Variants in ZRANB3 observed in about 807,000 individuals in gnomAD.
The protein encoded by ZRANB3 is zinc finger RANBP2-type containing 3, also known as DNA annealing helicase and endonuclease ZRANB3.
ZRANB3 carries 125 observed loss-of-function variants against 133.8 expected under a neutral mutation model. That is an observed-to-expected ratio of 0.93 (90% CI 0.81 to 1.08). The LOEUF (loss-of-function observed/expected upper bound fraction) is 1.08. Ranked by LOEUF, ZRANB3 falls within the 50% of genes least tolerant of loss-of-function variation. The pLI, the probability that ZRANB3 is intolerant of heterozygous loss-of-function variation, is 0.00. For synonymous variants in ZRANB3, 387 were observed against 432.7 expected (o/e 0.89, Z 1.31); for missense variants, 1,229 against 1,275.5 (o/e 0.96, Z 0.56).
chr2:135,315,257 A>G, intron 7 of ZRANB3, 102 bp downstream of exon 7: 1 of 1,175,342 alleles, frequency 8.5e-7, no homozygotes, highest in South Asian at 3.6e-5. Context: ...TATTTTAAGA[A>G]AGCAAACCTT....
chr2:135,344,683 G>A (rs1027345363), intron 6 of ZRANB3, among the ~76,000 whole-genome samples: 19 of 152,182 alleles, frequency 1.2e-4, no homozygotes, highest in African/African-American at 4.1e-4. Flanking sequence ...GTTGCAGTGA[G>A]CCGAGATTGT....
At chr2:135,487,607 C>G (rs1354240927) in intron 2 of ZRANB3, among the ~76,000 whole-genome samples, 1 of 152,236 alleles carries the variant, frequency 6.6e-6, no homozygotes, top group Non-Finnish European at 1.5e-5. Context: ...CCTGCTGCTT[C>G]ACCTTGCACA....
intron 3 of ZRANB3, 104 bp downstream of exon 3, chr2:135,390,698 T>A (rs539311827): frequency 4.6e-6 from 6 of 1,299,284 alleles, no homozygotes; most frequent in Non-Finnish European, 6.3e-6. Flanking sequence ...CATCCCCATA[T>A]ACAGACATAT....
chr2:135,379,813 T>A (rs1350376003), intron 3 of ZRANB3, among the ~76,000 whole-genome samples: 1 of 152,084 alleles, frequency 6.6e-6, no homozygotes, highest in East Asian at 1.9e-4. Flanking sequence ...CATAACAATA[T>A]TAACCTTAAA....
intron 2 of ZRANB3, among the ~76,000 whole-genome samples, chr2:135,468,672 T>G (rs2105024653): frequency 6.6e-6 from 1 of 152,310 alleles, no homozygotes; most frequent in South Asian, 2.1e-4. Context: ...AGAACACTGG[T>G]TTAAGAAACA....
At chr2:135,530,804 G>C (rs1042388447) in intron 1 of ZRANB3, 2 of 152,114 alleles carry the variant, frequency 1.3e-5, no homozygotes, top group African/African-American at 4.8e-5. Flanking sequence ...CCTTTTCATT[G>C]GCTGAAGCGG....
chr2:135,203,543 C>T (rs1222477374), intron 19 of ZRANB3, among the ~76,000 whole-genome samples: 2 of 142,088 alleles, frequency 1.4e-5, no homozygotes, highest in African/African-American at 2.7e-5. Context: ...GGCGTGAACC[C>T]GGGAGGTGGA....
chr2:135,304,873 T>C (rs1682602969), intron 8 of ZRANB3, among the ~76,000 whole-genome samples: 1 of 152,164 alleles, frequency 6.6e-6, no homozygotes, highest in Non-Finnish European at 1.5e-5. Flanking sequence ...GTAGTGACAG[T>C]CTTTTTATTC....
chr2:135,507,153 C>T (rs2104825743), intron 1 of ZRANB3, among the ~76,000 whole-genome samples: 1 of 152,250 alleles, frequency 6.6e-6, no homozygotes, highest in Admixed American at 6.5e-5. Flanking sequence ...TAGAGAATAA[C>T]AGAAATGTAG....
At position 135,295,149 on chromosome 2, in the gene ZRANB3, G is replaced by A. The variant is rs115649004; in HGVS notation, c.966+18340C>T. 3.2e-3 allele frequency among the ~76,000 whole-genome samples: 490 copies of A among 151,710 alleles called. 2 individuals carry two copies. Among genetic ancestry groups the A allele is most frequent in the African/African-American group, 0.01 (431 of 41,456 alleles). On this transcript the variant is annotated intron_variant, in intron 8 of 20. Transcript: ENST00000264159. ...AGAGCTGGGGTTAACTTTCTGTCGC[G>A]TTTATCTGTCTAATGTTGATAGTGG...
chr2:135,415,480 A>G (rs1054347478), intron 2 of ZRANB3, among the ~76,000 whole-genome samples: 12 of 152,190 alleles, frequency 7.9e-5, no homozygotes, highest in Admixed American at 3.3e-4. Context: ...TTACCAACCA[A>G]AAAGAGTCCA....
chr2:135,270,141 C>T (rs1680445128), intron 10 of ZRANB3, among the ~76,000 whole-genome samples: 1 of 151,984 alleles, frequency 6.6e-6, no homozygotes, highest in African/African-American at 2.4e-5. Context: ...AATAAAAATA[C>T]AGAGACAAAT....
At chr2:135,236,808 A>C (rs1553459867) in intron 12 of ZRANB3, among the ~76,000 whole-genome samples, 4 of 152,308 alleles carry the variant, frequency 2.6e-5, no homozygotes, top group Non-Finnish European at 2.9e-5. Flanking sequence ...TTAAAGACTT[A>C]CCATGTTAGA....
chr2:135,395,130 G>A (rs1343636558), intron 2 of ZRANB3, among the ~76,000 whole-genome samples: 1 of 151,996 alleles, frequency 6.6e-6, no homozygotes, highest in African/African-American at 2.4e-5. Flanking sequence ...TTACCAGCAA[G>A]GTACTAGCAT....
Position 135,517,321 on chromosome 2 carries a change from G to A in ZRANB3, c.-7-12825C>T, listed in dbSNP as rs534809328. Among the ~76,000 whole-genome samples, 26 of 152,154 alleles carry A rather than the reference G, an allele frequency of 1.7e-4. No individual in the cohort carries two copies. The South Asian group carries it at 4.4e-3, about 26-fold the overall frequency. ...CGTCCACTTTTGTTCCCTTGCTGGC[G>A]AGGAGTGATCCTTTGGAGGAGAAGA... On this transcript the variant is annotated intron_variant, in intron 1 of 20. Coordinates refer to ENST00000264159, the MANE Select transcript of ZRANB3 (RefSeq NM_032143.4).
At chr2:135,368,714 T>C (rs1686042848) in intron 3 of ZRANB3, among the ~76,000 whole-genome samples, 1 of 152,006 alleles carries the variant, frequency 6.6e-6, no homozygotes, top group African/African-American at 2.4e-5. Context: ...TTATTACACA[T>C]TGTATGCCTG....
Position 135,227,696 on chromosome 2 carries a change from T to C in ZRANB3, c.2158+116A>G, listed in dbSNP as rs1375156103. On this transcript the variant is annotated intron_variant, in intron 14 of 20. Coordinates refer to ENST00000264159, the MANE Select transcript of ZRANB3 (RefSeq NM_032143.4). ...GGTTACAAATGGTTGGTATTTTTAA[T>C]ATAAAAGAGAGTAAAAGGAACCTGG... 6 of 1,009,262 alleles carry C rather than the reference T, an allele frequency of 5.9e-6. No individual in the cohort carries two copies. The East Asian group carries it at 1.6e-4, about 26-fold the overall frequency. 62.5% of individuals were successfully genotyped at this position (1,009,262 alleles called of 1,614,324 possible). A position where few individuals can be genotyped will look rare whatever the true frequency, so the allele number is the denominator to read the frequency against.
Position 135,399,620 on chromosome 2 carries a change from G to A in ZRANB3, c.162-8800C>T, listed in dbSNP as rs186621607. On this transcript the variant is annotated intron_variant, in intron 2 of 20. Coordinates refer to ENST00000264159, the MANE Select transcript of ZRANB3 (RefSeq NM_032143.4). ...CTTTAGACACTTTAACTCACAACATGATGACAAAAATGAAAAATGTTTAGT... is the reference window on the plus strand; with the variant it reads ...CTTTAGACACTTTAACTCACAACATAATGACAAAAATGAAAAATGTTTAGT... Among the ~76,000 whole-genome samples the A allele has an allele frequency of 2.0e-5, 3 of 152,262 alleles. No homozygotes were observed. The East Asian group carries it at 5.8e-4, about 29-fold the overall frequency.
At position 135,208,922 on chromosome 2, in the gene ZRANB3, C is replaced by T; in HGVS notation, c.2552G>A (p.Gly851Glu). The change falls in exon 18 of 21, where the codon GGG (glycine) becomes GAG (glutamate). Residue 851 changes from glycine (G) to glutamate (E), a missense_variant. By Grantham distance (98) the Gly-to-Glu change is moderately conservative. Transcript: ENST00000264159. ...VASMDKVKNV[G>E]GHVRLITKES... ...CTTTGTGATCAGACGGACATGGCCC[C>T]CAACATTCTTCACTTTGTCCATTGA... 1 of 1,613,934 alleles carries T rather than the reference C, an allele frequency of 6.2e-7. No homozygotes were observed. Among genetic ancestry groups the T allele is most frequent in the East Asian group, 2.2e-5 (1 of 44,892 alleles).
Sources: allele counts gnomAD v4.1 joint callset (sites outside exome capture counted in the v4.1 genomes callset), GRCh38; gene constraint gnomAD v4.1.1; transcripts MANE v1.5; gene names NCBI Gene and HGNC (gene_info 2026-07-23, HGNC 2026-07-21).